Variants in ZNF385D observed in about 807,000 individuals in gnomAD.
The protein encoded by ZNF385D is zinc finger protein 659.
ZNF385D carries 15 observed loss-of-function variants against 35.8 expected under a neutral mutation model. The observed-to-expected ratio is 0.42, with a 90% CI of 0.28 to 0.64. ZNF385D has a LOEUF of 0.64. Ranked by LOEUF, ZNF385D falls within the 30% of genes least tolerant of loss-of-function variation. The probability of loss-of-function intolerance (pLI) is 0.23; values close to 1 mark genes in which losing one functional copy is unlikely to be tolerated. For missense variants in ZNF385D, 474 were observed against 494.6 expected, an observed-to-expected ratio of 0.96 and a Z score of 0.39; for synonymous variants, 212 against 186.8, an observed-to-expected ratio of 1.13 and a Z score of -1.10.
chr3:22,017,102 G>A (rs561140498), intron 3 of ZNF385D, among the ~76,000 whole-genome samples: 1 of 152,038 alleles, frequency 6.6e-6, no homozygotes, highest in East Asian at 1.9e-4. Flanking sequence ...CAGTGTATCT[G>A]CCAGTCAGAT....
At chr3:22,262,651 T>G (rs1415465360) in intron 2 of ZNF385D, among the ~76,000 whole-genome samples, 1 of 151,976 alleles carries the variant, frequency 6.6e-6, no homozygotes, top group East Asian at 1.9e-4. Context: ...TCTAAATTTT[T>G]TAGCAAAAAT....
chr3:22,272,781 G>T (rs1415993004), intron 2 of ZNF385D, among the ~76,000 whole-genome samples: 3 of 151,962 alleles, frequency 2.0e-5, no homozygotes, highest in Non-Finnish European at 4.4e-5. Context: ...AAGCCAAATT[G>T]TAGTATCTCA....
intron 4 of ZNF385D, among the ~76,000 whole-genome samples, chr3:21,482,010 G>A (rs115114095): frequency 0.019 from 2,831 of 152,040 alleles, 69 homozygotes; most frequent in African/African-American, 0.064. Context: ...TTCATTCACC[G>A]TCCTGGGTGT....
intron 1 of ZNF385D, among the ~76,000 whole-genome samples, chr3:21,691,071 C>T (rs549183953): frequency 6.6e-5 from 10 of 152,118 alleles, no homozygotes; most frequent in South Asian, 2.1e-4. Flanking sequence ...CCTTTCTTTC[C>T]GCTCTAGCCT....
At chr3:21,560,431 G>T (rs931837040) in intron 3 of ZNF385D, among the ~76,000 whole-genome samples, 1 of 152,172 alleles carries the variant, frequency 6.6e-6, no homozygotes, top group African/African-American at 2.4e-5. Flanking sequence ...GTTTGCTAGA[G>T]GTCCACTCCA....
chr3:22,183,706 T>C (rs150746357), intron 2 of ZNF385D, among the ~76,000 whole-genome samples: 16 of 149,326 alleles, frequency 1.1e-4, no homozygotes, highest in African/African-American at 4.0e-4. Context: ...ATATTTTCAT[T>C]TAAAAATGGG....
At chr3:22,113,862 C>T (rs944939749) in intron 3 of ZNF385D, among the ~76,000 whole-genome samples, 1 of 152,000 alleles carries the variant, frequency 6.6e-6, no homozygotes, top group Admixed American at 6.6e-5. Flanking sequence ...TTCCTATTAC[C>T]CAGAATTACA....
chr3:21,696,502 T>C lies in ZNF385D; in HGVS notation c.23-31474A>G, dbSNP rs543096303. ...ATACAGTCATGTAGAAGCTGGCCCATATGAGTGAAACCCAGGCAGTAAATT... is the reference window on the plus strand; with the variant it reads ...ATACAGTCATGTAGAAGCTGGCCCACATGAGTGAAACCCAGGCAGTAAATT... On this transcript the variant is annotated intron_variant, in intron 1 of 7. Coordinates refer to ENST00000281523, the MANE Select transcript of ZNF385D (RefSeq NM_024697.3). Among the ~76,000 whole-genome samples the C allele has an allele frequency of 2.6e-4, 40 of 152,328 alleles. No homozygotes were observed. In the South Asian group the frequency reaches 7.9e-3, roughly 30 times the overall value.
chr3:21,548,675 T>G (rs1280189539), intron 3 of ZNF385D, among the ~76,000 whole-genome samples: 1 of 152,260 alleles, frequency 6.6e-6, no homozygotes, highest in Non-Finnish European at 1.5e-5. Context: ...GCTACTGATA[T>G]CCACCTTGAA....
intron 2 of ZNF385D, among the ~76,000 whole-genome samples, chr3:22,300,681 T>C (rs1702852451): frequency 1.3e-5 from 2 of 151,942 alleles, no homozygotes; most frequent in Admixed American, 1.3e-4. Flanking sequence ...AACAGGTACA[T>C]TAAAAACGTT....
At chr3:21,982,358 C>T (rs1455074644) in intron 3 of ZNF385D, among the ~76,000 whole-genome samples, 1 of 151,882 alleles carries the variant, frequency 6.6e-6, no homozygotes, top group Non-Finnish European at 1.5e-5. Context: ...TAAGTAGAAT[C>T]GCCTTTCTGA....
At chr3:22,164,703 C>T (rs977191262) in intron 3 of ZNF385D, among the ~76,000 whole-genome samples, 1 of 150,890 alleles carries the variant, frequency 6.6e-6, no homozygotes. Context: ...TTGTATAATG[C>T]TTTAATTACA....
chr3:21,884,043 AAC>A (rs753681499), intron 3 of ZNF385D, among the ~76,000 whole-genome samples: 2 of 152,068 alleles, frequency 1.3e-5, no homozygotes, highest in Non-Finnish European at 2.9e-5. Context: ...CATGTAGCAT[AAC>A]ACACACAATA....
intron 2 of ZNF385D, among the ~76,000 whole-genome samples, chr3:22,352,110 T>C (rs994002175): frequency 8.5e-5 from 13 of 152,182 alleles, no homozygotes; most frequent in Admixed American, 8.5e-4. Context: ...TATCACAGAC[T>C]TTCTTCCACC....
rs1357618395 is a variant in ZNF385D at position 21,840,367 on chromosome 3, C to T, written c.326-175339G>A. Among the ~76,000 whole-genome samples, 4 of 152,134 alleles carry T rather than the reference C, an allele frequency of 2.6e-5. No individual in the cohort carries two copies. In the East Asian group the frequency reaches 5.8e-4, roughly 22 times the overall value. On this transcript the variant is annotated intron_variant, in intron 3 of 5. Coordinates refer to the ZNF385D transcript ENST00000494108. Reference sequence around the variant, plus strand: ...AAGTGGTATCACTTTTACTTTTCTACCCCTCAGAGGGCTTTGTAAGGGATA... The same window carrying T: ...AAGTGGTATCACTTTTACTTTTCTATCCCTCAGAGGGCTTTGTAAGGGATA...
At position 22,318,190 on chromosome 3, in the gene ZNF385D, G is replaced by A. The variant is rs180843584; in HGVS notation, c.106+54260C>T. On this transcript the variant is annotated intron_variant, in intron 2 of 5. Transcript: ENST00000494108. ...ACAATACTGAAATGCTAGGGGTGGA[G>A]AATAACTGATGTAGCTAGGGGCAAA... is the stretch of plus-strand genomic sequence containing the variant. Among the ~76,000 whole-genome samples the A allele has an allele frequency of 9.2e-5, 14 of 152,262 alleles. No homozygotes were observed. In the East Asian group the frequency reaches 2.5e-3, roughly 27 times the overall value.
At chr3:21,426,107 T>C (rs1428952176) in intron 5 of ZNF385D, among the ~76,000 whole-genome samples, 4 of 152,178 alleles carry the variant, frequency 2.6e-5, no homozygotes, top group African/African-American at 9.7e-5. Flanking sequence ...GTAACAAGTG[T>C]AATCAGTTTA....
chr3:21,813,884 C>T (rs979300979), intron 3 of ZNF385D, among the ~76,000 whole-genome samples: 3 of 152,008 alleles, frequency 2.0e-5, no homozygotes, highest in Non-Finnish European at 4.4e-5. Context: ...AAGAGCAACT[C>T]CAAGACACAT....
intron 3 of ZNF385D, among the ~76,000 whole-genome samples, chr3:21,513,433 T>G (rs2125476195): frequency 1.3e-5 from 2 of 152,252 alleles, no homozygotes; most frequent in Non-Finnish European, 2.9e-5. Context: ...AAATGCATAT[T>G]CACTCGTTTA....
Sources: gnomAD v4.1 joint callset for allele counts (sites outside exome capture counted in the v4.1 genomes callset) on GRCh38, gnomAD v4.1.1 for gene constraint, MANE v1.5 for transcripts, NCBI Gene and HGNC (gene_info 2026-07-23, HGNC 2026-07-21) for gene names.